CLIC4: variants seen among roughly 807,000 people sequenced by gnomAD.
CLIC4 encodes CLIC family member 4.
CLIC4 carries 13 observed loss-of-function variants against 24.6 expected under a neutral mutation model. The ratio of observed to expected loss-of-function variants is 0.53; its 90% CI spans 0.34 to 0.84. The LOEUF (loss-of-function observed/expected upper bound fraction) is 0.84, where lower values mean the gene tolerates loss of function less well. Among genes scored for constraint, CLIC4 ranks in the 40% least tolerant of loss-of-function variants. The pLI is 0.01. For synonymous variants in CLIC4, 104 were observed against 111.3 expected (o/e 0.93, Z 0.41); for missense variants, 227 against 301.7 (o/e 0.75, Z 1.83).
chr1:24,822,849 T>G (rs1639749447), intron 3 of CLIC4, among the ~76,000 whole-genome samples: 1 of 151,634 alleles, frequency 6.6e-6, no homozygotes, highest in African/African-American at 2.4e-5. Flanking sequence ...GGAGGAAGAG[T>G]TTCTGGGATC....
At chr1:24,839,393 G>C (rs1006698501) in intron 4 of CLIC4, among the ~76,000 whole-genome samples, 22 of 152,176 alleles carry the variant, frequency 1.4e-4, no homozygotes, top group African/African-American at 5.1e-4. Flanking sequence ...TCGGCCTCCC[G>C]GGTTCACGCC....
At chr1:24,836,866 T>C (rs561038318) in intron 4 of CLIC4, among the ~76,000 whole-genome samples, 8 of 152,284 alleles carry the variant, frequency 5.3e-5, no homozygotes, top group African/African-American at 1.4e-4. Flanking sequence ...AAGCTACAGC[T>C]AGAAAGTTTC....
At chr1:24,760,666 A>G (rs1005822835) in intron 1 of CLIC4, among the ~76,000 whole-genome samples, 3 of 151,876 alleles carry the variant, frequency 2.0e-5, no homozygotes. Flanking sequence ...TTCTTCTTTC[A>G]TTCATTTATT....
Position 24,827,096 on chromosome 1 carries a change from C to G in CLIC4, c.395C>G (p.Ser132Ter), listed in dbSNP as rs1639793704. The change falls in exon 4 of 6, where the codon TCA becomes TGA. Residue 132 changes from serine (S) to a stop codon, truncating the protein, a stop_gained. Coordinates refer to ENST00000374379, the MANE Select transcript of CLIC4 (RefSeq NM_013943.3). LOFTEE classifies it high-confidence loss of function. ...FAKFSAYIKN[S>*]RPEANEALER... is the part of the protein sequence containing the mutation. ...AAATTCTCTGCATATATCAAGAATT[C>G]AAGGCCAGAGGCTAATGAAGGTAAA... The G allele has an allele frequency of 1.9e-6, 3 of 1,607,414 alleles. No homozygotes were observed. The highest frequency in any genetic ancestry group is 2.5e-6 in the Non-Finnish European group (3 of 1,177,350).
At chr1:24,796,226 T>G (rs1639398388) in intron 1 of CLIC4, among the ~76,000 whole-genome samples, 1 of 152,236 alleles carries the variant, frequency 6.6e-6, no homozygotes, top group African/African-American at 2.4e-5. Flanking sequence ...GTCTTGCTCC[T>G]TCGCTAGGCT....
At chr1:24,787,702 A>ATT (rs530843479) in intron 1 of CLIC4, among the ~76,000 whole-genome samples, 9 of 139,138 alleles carry the variant, frequency 6.5e-5, no homozygotes, top group Non-Finnish European at 9.4e-5. Flanking sequence ...CGCCAGGCTA[A>ATT]TTTTTTTTTT....
chr1:24,812,558 A>C (rs545006890), intron 2 of CLIC4, among the ~76,000 whole-genome samples: 1 of 152,072 alleles, frequency 6.6e-6, no homozygotes, highest in South Asian at 2.1e-4. Context: ...TTCTATCACT[A>C]TCTCTAATGA....
intron 1 of CLIC4, among the ~76,000 whole-genome samples, chr1:24,775,995 G>T (rs1639136178): frequency 6.6e-6 from 1 of 152,110 alleles, no homozygotes; most frequent in African/African-American, 2.4e-5. Flanking sequence ...GCAGGCAATT[G>T]ATTAACTTAC....
At chr1:24,784,406 T>C (rs1233100151) in intron 1 of CLIC4, among the ~76,000 whole-genome samples, 1 of 152,238 alleles carries the variant, frequency 6.6e-6, no homozygotes, top group Admixed American at 6.5e-5. Context: ...ATTAGTGGTC[T>C]TAACCACCAT....
intron 1 of CLIC4, among the ~76,000 whole-genome samples, chr1:24,794,684 C>G (rs1008259731): frequency 6.6e-6 from 1 of 152,094 alleles, no homozygotes; most frequent in Admixed American, 6.6e-5. Context: ...TTCTGCTGTG[C>G]GGAAACTCTT....
At chr1:24,747,080 A>C (rs11249171) in intron 1 of CLIC4, among the ~76,000 whole-genome samples, 88,320 of 150,394 alleles carry the variant, frequency 0.59, 28,112 homozygotes, top group Non-Finnish European at 0.71. Context: ...ATTTTCTTTC[A>C]ATTGTCAATT....
intron 1 of CLIC4, among the ~76,000 whole-genome samples, chr1:24,761,358 A>T (rs746635279): frequency 1.3e-5 from 2 of 152,228 alleles, no homozygotes; most frequent in Non-Finnish European, 2.9e-5. Flanking sequence ...AAAGAATGGC[A>T]GGAAACCCAA....
At position 24,747,095 on chromosome 1, in the gene CLIC4, ATTTTTTT is replaced by A. The variant is rs749648001; in HGVS notation, c.72+1486_72+1492del. ...ATTTTCTTTCAATTGTCAATTTTCG[ATTTTTTT>A]TTTTTTTTTTTTTTTGGTCCAGGGA... On this transcript the variant is annotated intron_variant, in intron 1 of 5. Coordinates refer to ENST00000374379, the MANE Select transcript of CLIC4 (RefSeq NM_013943.3). Among the ~76,000 whole-genome samples the A allele has an allele frequency of 4.5e-3, 545 of 120,246 alleles. 1 individual carries two copies. Among genetic ancestry groups the A allele is most frequent in the African/African-American group, 0.013 (413 of 32,588 alleles). 78.9% of individuals were successfully genotyped at this position (120,246 alleles called of 152,430 possible).
intron 1 of CLIC4, among the ~76,000 whole-genome samples, chr1:24,789,688 T>TA (rs1188327345): frequency 6.6e-6 from 1 of 152,234 alleles, no homozygotes; most frequent in Non-Finnish European, 1.5e-5. Flanking sequence ...AAATTTCAGT[T>TA]ACTGTATTTT....
intron 4 of CLIC4, among the ~76,000 whole-genome samples, chr1:24,829,952 A>G (rs1220761529): frequency 6.6e-6 from 1 of 152,224 alleles, no homozygotes; most frequent in African/African-American, 2.4e-5. Flanking sequence ...ACTTGTTTGT[A>G]TAAGGTTACC....
At chr1:24,836,721 C>A (rs2124176354) in intron 4 of CLIC4, among the ~76,000 whole-genome samples, 1 of 152,144 alleles carries the variant, frequency 6.6e-6, no homozygotes, top group South Asian at 2.1e-4. Flanking sequence ...GCCTATAGTC[C>A]CAGCTACTCA....
At chr1:24,792,340 G>A (rs1639350882) in intron 1 of CLIC4, among the ~76,000 whole-genome samples, 1 of 151,902 alleles carries the variant, frequency 6.6e-6, no homozygotes, top group African/African-American at 2.4e-5. Flanking sequence ...ATAGGAGAGT[G>A]CCACCACACT....
chr1:24,760,144 T>TC (rs1638904033), intron 1 of CLIC4, among the ~76,000 whole-genome samples: 1 of 152,054 alleles, frequency 6.6e-6, no homozygotes, highest in Non-Finnish European at 1.5e-5. Context: ...GGCAGGTGGA[T>TC]CAGTTGAGGT....
At position 24,832,281 on chromosome 1, in the gene CLIC4, T is replaced by A. The variant is rs1181754655; in HGVS notation, c.415+5165T>A. ...TTTTTATTTTTTTATTTTTTATTTTTTTTATTTTTTATTTTTATTGATCAT... is the reference window on the plus strand; with the variant it reads ...TTTTTATTTTTTTATTTTTTATTTTATTTATTTTTTATTTTTATTGATCAT... On this transcript the variant is annotated intron_variant, in intron 4 of 5. Transcript: ENST00000374379. Among the ~76,000 whole-genome samples the A allele has an allele frequency of 1.6e-4, 2 of 12,900 alleles. 1 individual carries two copies. Among genetic ancestry groups the A allele is most frequent in the African/African-American group, 1.7e-4 (2 of 12,008 alleles). The allele number at this position is 12,900 out of a possible 152,430, so 8.5% of individuals were successfully genotyped here. A position where few individuals can be genotyped will look rare whatever the true frequency, so the allele number is the denominator to read the frequency against.
Sources: allele counts gnomAD v4.1 joint callset (sites outside exome capture counted in the v4.1 genomes callset), GRCh38; gene constraint gnomAD v4.1.1; transcripts MANE v1.5; gene names NCBI Gene and HGNC (gene_info 2026-07-23, HGNC 2026-07-21).